KIF1A: variants seen among roughly 807,000 people sequenced by gnomAD.
KIF1A encodes the protein kinesin-like protein KIF1A.
In KIF1A, 46 loss-of-function variants were observed where a neutral mutation model predicts 227.3. The observed-to-expected ratio is 0.20, with a 90% CI of 0.16 to 0.26. KIF1A has a LOEUF of 0.26. Among genes scored for constraint, KIF1A ranks in the 10% least tolerant of loss-of-function variants. The pLI, the probability that KIF1A is intolerant of heterozygous loss-of-function variation, is 1.00. For missense variants in KIF1A, 1,683 were observed against 2,485.9 expected, an observed-to-expected ratio of 0.68 and a Z score of 6.87; for synonymous variants, 1,022 against 1,012.8, an observed-to-expected ratio of 1.01 and a Z score of -0.17.
rs917291476 is a variant in KIF1A, at chr2:240,754,706, C to T, written c.2858+2613G>A. Among the ~76,000 whole-genome samples, 9 of 152,286 alleles carry T rather than the reference C, an allele frequency of 5.9e-5. No homozygotes were observed. The East Asian group carries it at 1.5e-3, about 26-fold the overall frequency. On this transcript the variant is annotated intron_variant, in intron 27 of 48. Transcript: ENST00000498729. ...ACCTGACATCAGTTGGGAACCAGAG[C>T]GTAGCCCAGGCCTGTCCCTACCAGC...
At chr2:240,747,174 G>A in intron 29 of KIF1A, 62 bp downstream of exon 29, 1 of 1,268,262 alleles carries the variant, frequency 7.9e-7, no homozygotes, top group Non-Finnish European at 1.1e-6. Flanking sequence ...GGAGCAAAGT[G>A]CACAGGACTC....
intron 1 of KIF1A, among the ~76,000 whole-genome samples, chr2:240,810,355 C>T (rs1559547833): frequency 1.3e-5 from 2 of 152,156 alleles, no homozygotes; most frequent in African/African-American, 2.4e-5. Flanking sequence ...TACTCAACCA[C>T]GATAGTAATT....
At chr2:240,799,526 T>G (rs1211701045) in intron 1 of KIF1A, among the ~76,000 whole-genome samples, 2 of 152,242 alleles carry the variant, frequency 1.3e-5, no homozygotes, top group African/African-American at 4.8e-5. Context: ...CAGCCGCGTC[T>G]ACACTCCAGA....
In KIF1A at chr2:240,726,759, C is replaced by T. The variant is rs1018560011; in HGVS notation, c.4122+67G>A. On this transcript the variant is annotated intron_variant, in intron 39 of 48. Transcript: ENST00000498729. This position sits in a 1 kb window ranked among gnomAD's most constrained non-coding sequence, Gnocchi z 5.2. The stretch of plus-strand genomic sequence containing the variant: ...CTGGGTCATATGGGGTTGTCCAGAG[C>T]TTACAAGAACCTCAAGCTTCAGGGG... The T allele has an allele frequency of 2.1e-6, 2 of 946,048 alleles. No individual in the cohort carries two copies. The highest frequency in any genetic ancestry group is 3.4e-6 in the Non-Finnish European group (2 of 594,220). 58.6% of individuals were successfully genotyped at this position (946,048 alleles called of 1,614,324 possible). A position where few individuals can be genotyped will look rare whatever the true frequency, so the allele number is the denominator to read the frequency against.
At chr2:240,729,739 A>T (rs139031596) in intron 38 of KIF1A, among the ~76,000 whole-genome samples, 119 of 152,326 alleles carry the variant, frequency 7.8e-4, no homozygotes, top group African/African-American at 2.8e-3. Flanking sequence ...GTGGACTAGA[A>T]TCTCTCTGAG....
intron 38 of KIF1A, chr2:240,734,790 G>A (rs1281431618): frequency 2.2e-5 from 29 of 1,301,002 alleles, no homozygotes; most frequent in Admixed American, 9.2e-5. Flanking sequence ...GCCGGGCAGC[G>A]CAGCGGGAGC....
chr2:240,731,619 G>A (rs906033562), intron 38 of KIF1A, among the ~76,000 whole-genome samples: 3 of 152,194 alleles, frequency 2.0e-5, no homozygotes, highest in South Asian at 2.1e-4. Context: ...TCAGGGGCTC[G>A]GCCCTGACCG....
chr2:240,728,549 C>A, intron 38 of KIF1A: 1 of 511,810 alleles, frequency 2.0e-6, no homozygotes, highest in Non-Finnish European at 3.6e-6. Flanking sequence ...GGCCCCCAGG[C>A]TCTCGCTGCA....
chr2:240,814,654 C>T (rs555001290), intron 1 of KIF1A, among the ~76,000 whole-genome samples: 62 of 152,304 alleles, frequency 4.1e-4, no homozygotes, highest in East Asian at 2.1e-3. Flanking sequence ...AGGCTGGGCG[C>T]GGTGGCTCAT....
chr2:240,764,636 C>T (rs753654426), intron 20 of KIF1A, among the ~76,000 whole-genome samples: 7 of 152,150 alleles, frequency 4.6e-5, no homozygotes, highest in Non-Finnish European at 8.8e-5. Context: ...AAGGGTCTCC[C>T]CTGTTCCAAG....
chr2:240,813,693 G>T (rs1243716557), intron 1 of KIF1A, among the ~76,000 whole-genome samples: 1 of 151,674 alleles, frequency 6.6e-6, no homozygotes, highest in Non-Finnish European at 1.5e-5. Context: ...CCCCAGCTCT[G>T]GTCAGAACCA....
At chr2:240,782,085 C>T (rs2054109767) in intron 10 of KIF1A, 1 of 985,292 alleles carries the variant, frequency 1.0e-6, no homozygotes. Flanking sequence ...CACGGCTGCC[C>T]ACGCGGTTCC....
chr2:240,785,473 C>T (rs571841639), intron 6 of KIF1A, among the ~76,000 whole-genome samples: 1 of 152,328 alleles, frequency 6.6e-6, no homozygotes, highest in East Asian at 1.9e-4. Context: ...CCACGGCCCA[C>T]ACCCGCGGCT....
In KIF1A at chr2:240,778,511, T is replaced by TACAC. The variant is rs60462300; in HGVS notation, c.883-2589_883-2586dup. ...GGCGCTCGCAGCTCCCGCACAGCGT[T>TACAC]ACACACACACACACACACACACACA... On this transcript the variant is annotated intron_variant, in intron 10 of 48. Coordinates refer to ENST00000498729, the MANE Select transcript of KIF1A (RefSeq NM_001244008.2). This position sits in a 1 kb window ranked among gnomAD's most constrained non-coding sequence, Gnocchi z 7.2. Among the ~76,000 whole-genome samples, 3,064 of 134,190 alleles carry TACAC rather than the reference T, an allele frequency of 0.023. 60 individuals carry two copies. Among genetic ancestry groups the TACAC allele is most frequent in the African/African-American group, 0.044 (1,455 of 32,948 alleles). 88.0% of individuals were successfully genotyped at this position (134,190 alleles called of 152,430 possible).
At chr2:240,729,452 CCTCA>C (rs1463642426) in intron 38 of KIF1A, among the ~76,000 whole-genome samples, 1 of 152,244 alleles carries the variant, frequency 6.6e-6, no homozygotes, top group Non-Finnish European at 1.5e-5. Context: ...CCCAGGCACT[CCTCA>C]TTCATCAGGA....
At chr2:240,770,761 C>G (rs1013034756) in intron 15 of KIF1A, among the ~76,000 whole-genome samples, 2 of 152,200 alleles carry the variant, frequency 1.3e-5, no homozygotes, top group African/African-American at 4.8e-5. Context: ...CCTGGGGACC[C>G]CCAAGTGAAC....
rs1057519240 is a variant in KIF1A at position 240,723,538 on chromosome 2, G to A, written c.4339C>T (p.Arg1447Ter). 1 of 1,541,064 alleles carries A rather than the reference G, an allele frequency of 6.5e-7. No homozygotes were observed. Among genetic ancestry groups the A allele is most frequent in the Non-Finnish European group, 8.8e-7 (1 of 1,139,416 alleles). The change falls in exon 42 of 49, where the codon CGA becomes TGA. Residue 1447 changes from arginine (R) to a stop codon, truncating the protein, a stop_gained. Coordinates refer to ENST00000498729, the MANE Select transcript of KIF1A (RefSeq NM_001244008.2). LOFTEE classifies it high-confidence loss of function. ...TAGGCCACAGATGTGTCCAGGACTC[G>A]TCGGCGCCGGCGCTGCATCCCTGCA... ...GSPGMQRRRR[R>*]VLDTSVAYVR...
chr2:240,762,620 A>G, intron 23 of KIF1A, 99 bp downstream of exon 23: 1 of 1,390,904 alleles, frequency 7.2e-7, no homozygotes, highest in Non-Finnish European at 9.4e-7. Context: ...CCCCAGGGCA[A>G]AAGTGCTGAC....
At position 240,788,961 on chromosome 2, in the gene KIF1A, T is replaced by C. The variant is rs1013059368; in HGVS notation, c.183+275A>G. Among the ~76,000 whole-genome samples, 5 of 152,034 alleles carry C rather than the reference T, an allele frequency of 3.3e-5. No individual in the cohort carries two copies. The highest frequency in any genetic ancestry group is 1.5e-5 in the Non-Finnish European group (1 of 67,980). ...CAGGGTCAGCTTTGGGCATTCTGAC[T>C]TTGGGATGTCTGGGGGAAAAGTCAC... On this transcript the variant is annotated intron_variant, in intron 3 of 48. Coordinates refer to ENST00000498729, the MANE Select transcript of KIF1A (RefSeq NM_001244008.2). This position sits in a 1 kb window ranked among gnomAD's most constrained non-coding sequence, Gnocchi z 6.6.
Sources: gnomAD v4.1 joint callset for allele counts (sites outside exome capture counted in the v4.1 genomes callset) on GRCh38, gnomAD v4.1.1 for gene constraint, Gnocchi (gnomAD v3.1) non-coding constraint, MANE v1.5 for transcripts, NCBI Gene and HGNC (gene_info 2026-07-23, HGNC 2026-07-21) for gene names.